PTPRK: variants seen among roughly 807,000 people sequenced by gnomAD.
PTPRK encodes the protein protein tyrosine phosphatase receptor type K.
A neutral mutation model predicts 178.0 loss-of-function variants in PTPRK; 75 were observed. The ratio of observed to expected loss-of-function variants is 0.42; its 90% CI spans 0.35 to 0.51. The LOEUF (loss-of-function observed/expected upper bound fraction) is 0.51. Among genes scored for constraint, PTPRK ranks in the 20% least tolerant of loss-of-function variants. The pLI is 0.02. For missense variants in PTPRK, 1,441 were observed against 1,797.8 expected (o/e 0.80, Z 3.59); for synonymous variants, 637 against 620.6 (o/e 1.03, Z -0.39).
chr6:128,408,125 C>G (rs376050282), intron 1 of PTPRK, among the ~76,000 whole-genome samples: 1 of 152,222 alleles, frequency 6.6e-6, no homozygotes, highest in Admixed American at 6.5e-5. Context: ...CAGTGGCTCA[C>G]GCCTGTAATC....
chr6:128,520,599 T>A lies in PTPRK; in HGVS notation c.-241A>T. 4.2e-6 allele frequency: 2 copies of A among 476,676 alleles called. No homozygotes were observed. Among genetic ancestry groups the A allele is most frequent in the Admixed American group, 6.8e-5 (2 of 29,310 alleles). 29.5% of individuals were successfully genotyped at this position (476,676 alleles called of 1,614,324 possible). On this transcript the variant is annotated 5_prime_UTR_variant, in exon 1 of 30. Coordinates refer to ENST00000368226, the MANE Select transcript of PTPRK (RefSeq NM_002844.4). ...GCTCGGCGGAGGCTGCTCCTGTTAG[T>A]CAAGAGTTACTTTGCTCGGGGAGGG... is the stretch of plus-strand genomic sequence containing the variant.
intron 3 of PTPRK, among the ~76,000 whole-genome samples, chr6:128,302,609 C>T (rs911511512): frequency 3.3e-5 from 5 of 152,038 alleles, no homozygotes; most frequent in Admixed American, 1.3e-4. Flanking sequence ...TTTCTTGAAA[C>T]ATTCTCTTCC....
At chr6:128,321,872 T>A in intron 3 of PTPRK, 167 bp downstream of exon 3, 1 of 857,882 alleles carries the variant, frequency 1.2e-6, no homozygotes, top group Non-Finnish European at 1.9e-6. Flanking sequence ...CTCATTACCA[T>A]GGGATGCATA....
intron 1 of PTPRK, among the ~76,000 whole-genome samples, chr6:128,450,230 G>C (rs1453335876): frequency 6.6e-6 from 1 of 152,134 alleles, no homozygotes; most frequent in Admixed American, 6.5e-5. Flanking sequence ...CCATATTTGT[G>C]TCTAAGGATG....
At chr6:128,073,021 T>C (rs1044853689) in intron 11 of PTPRK, among the ~76,000 whole-genome samples, 5 of 152,122 alleles carry the variant, frequency 3.3e-5, no homozygotes, top group African/African-American at 1.2e-4. Context: ...GATACATCAG[T>C]ATGTGGCCGT....
intron 7 of PTPRK, among the ~76,000 whole-genome samples, chr6:128,159,389 C>G (rs140824163): frequency 6.6e-6 from 1 of 151,798 alleles, no homozygotes; most frequent in Non-Finnish European, 1.5e-5. Context: ...AAGTGATTTT[C>G]ATCACCTTCT....
chr6:128,354,239 T>G (rs1192041586), intron 2 of PTPRK, among the ~76,000 whole-genome samples: 8 of 88,322 alleles, frequency 9.1e-5, no homozygotes, highest in African/African-American at 3.4e-4. Flanking sequence ...ATGTTTTTTT[T>G]TTTTTTTTTT....
chr6:128,148,412 GTAA>G (rs1189942443), intron 7 of PTPRK, among the ~76,000 whole-genome samples: 4 of 151,962 alleles, frequency 2.6e-5, no homozygotes, highest in African/African-American at 9.7e-5. Context: ...ATTCCAGATA[GTAA>G]TAATAATAAT....
intron 15 of PTPRK, among the ~76,000 whole-genome samples, chr6:128,000,540 G>C (rs149876705): frequency 4.9e-4 from 74 of 151,842 alleles, no homozygotes; most frequent in African/African-American, 1.7e-3. Flanking sequence ...CTCAGATTTT[G>C]CCCACCCCTC....
intron 7 of PTPRK, among the ~76,000 whole-genome samples, chr6:128,131,668 G>A (rs1794258624): frequency 6.6e-6 from 1 of 152,156 alleles, no homozygotes; most frequent in South Asian, 2.1e-4. Flanking sequence ...GTCAAGTACA[G>A]TTGTATCATT....
At chr6:128,278,121 T>G (rs982411151) in intron 3 of PTPRK, among the ~76,000 whole-genome samples, 17 of 148,218 alleles carry the variant, frequency 1.1e-4, no homozygotes, top group South Asian at 2.1e-4. Context: ...TGTTTTTGTG[T>G]TTTTTATTTA....
intron 3 of PTPRK, among the ~76,000 whole-genome samples, chr6:128,267,311 T>G (rs1819111921): frequency 6.6e-6 from 1 of 152,142 alleles, no homozygotes; most frequent in Non-Finnish European, 1.5e-5. Context: ...TTATGTCCTC[T>G]CTTATTTCTT....
intron 1 of PTPRK, among the ~76,000 whole-genome samples, chr6:128,399,426 C>T (rs1171732977): frequency 1.3e-5 from 2 of 152,084 alleles, no homozygotes; most frequent in Non-Finnish European, 2.9e-5. Flanking sequence ...CAACCAAACT[C>T]GAGAACTCAA....
At chr6:128,270,532 T>A (rs536452307) in intron 3 of PTPRK, among the ~76,000 whole-genome samples, 1 of 152,214 alleles carries the variant, frequency 6.6e-6, no homozygotes, top group East Asian at 1.9e-4. Flanking sequence ...ACACATTGAA[T>A]ATAAAAGGAG....
At chr6:128,001,031 G>A (rs1777774756) in intron 15 of PTPRK, among the ~76,000 whole-genome samples, 1 of 151,990 alleles carries the variant, frequency 6.6e-6, no homozygotes, top group South Asian at 2.1e-4. Context: ...AATCACATAT[G>A]CATTATTAAT....
intron 5 of PTPRK, among the ~76,000 whole-genome samples, chr6:128,224,360 T>TA (rs1810919004): frequency 6.6e-6 from 1 of 152,212 alleles, no homozygotes; most frequent in Non-Finnish European, 1.5e-5. Flanking sequence ...TCTACTATAC[T>TA]AAGTCAGCTT....
intron 3 of PTPRK, among the ~76,000 whole-genome samples, chr6:128,285,515 A>G (rs1822349586): frequency 7.2e-6 from 1 of 138,404 alleles, no homozygotes; most frequent in South Asian, 2.3e-4. Flanking sequence ...ACTCTGTCTA[A>G]AAAAAAAAAA....
At chr6:128,011,480 T>C (rs1307339005) in intron 13 of PTPRK, among the ~76,000 whole-genome samples, 8 of 147,534 alleles carry the variant, frequency 5.4e-5, no homozygotes, top group Admixed American at 4.7e-4. Flanking sequence ...TATTTTATTA[T>C]GAGTCGCATA....
intron 1 of PTPRK, among the ~76,000 whole-genome samples, chr6:128,445,929 G>A (rs955935141): frequency 6.6e-6 from 1 of 151,970 alleles, no homozygotes; most frequent in Non-Finnish European, 1.5e-5. Context: ...CAAGTATATA[G>A]ACCTAACATG....
Sources: allele counts gnomAD v4.1 joint callset (sites outside exome capture counted in the v4.1 genomes callset), GRCh38; gene constraint gnomAD v4.1.1; transcripts MANE v1.5; gene names NCBI Gene and HGNC (gene_info 2026-07-23, HGNC 2026-07-21).